The following RIMS2 variants were observed in gnomAD, a reference collection of about 807,000 sequenced individuals.
RIMS2 encodes regulating synaptic membrane exocytosis 2, also known as regulating synaptic membrane exocytosis protein 2.
RIMS2 carries 59 observed loss-of-function variants against 174.4 expected under a neutral mutation model. The ratio of observed to expected loss-of-function variants is 0.34; its 90% CI spans 0.27 to 0.42. The LOEUF (loss-of-function observed/expected upper bound fraction) is 0.42, where lower values mean the gene tolerates loss of function less well. RIMS2 is among the 10% of genes least tolerant of loss of function. The probability of loss-of-function intolerance (pLI) is 1.00; values close to 1 mark genes in which losing one functional copy is unlikely to be tolerated. For missense variants in RIMS2, 1,620 were observed against 1,666.3 expected (o/e 0.97, Z 0.48); for synonymous variants, 606 against 572.5 (o/e 1.06, Z -0.84).
At chr8:103,766,440 G>A in exon 3 of RIMS2, 1 of 1,613,856 alleles carries the variant, frequency 6.2e-7, no homozygotes, top group East Asian at 2.2e-5. Context: ...TGTACCTGCA[G>A]TGGAGAAAAG....
At chr8:104,104,347 T>C (rs1052210910) in intron 19 of RIMS2, among the ~76,000 whole-genome samples, 5 of 152,196 alleles carry the variant, frequency 3.3e-5, no homozygotes, top group African/African-American at 1.2e-4. Context: ...TCTTTCTCAC[T>C]AGCACTGAGA....
intron 17 of RIMS2, among the ~76,000 whole-genome samples, chr8:104,011,962 C>T (rs938543755): frequency 2.8e-4 from 42 of 151,862 alleles, no homozygotes; most frequent in African/African-American, 9.9e-4. Context: ...AAAAGTGTTC[C>T]TTTAAAATAG....
chr8:103,964,403 C>G (rs2091189233), intron 15 of RIMS2, among the ~76,000 whole-genome samples: 2 of 152,128 alleles, frequency 1.3e-5, no homozygotes, highest in Admixed American at 6.6e-5. Context: ...TTGCATTTCC[C>G]TGATGACATA....
rs138020866 is a variant in RIMS2 at position 104,104,176 on chromosome 8, A to G, written c.3334+89561A>G. On this transcript the variant is annotated intron_variant, in intron 19 of 23. Transcript: ENST00000504942. Reference sequence around the variant, plus strand: ...TCTCAATCACATAAGAAGTAAGAATATAAGAGTTTAAAAGTTGAGTTGGGG... The same window carrying G: ...TCTCAATCACATAAGAAGTAAGAATGTAAGAGTTTAAAAGTTGAGTTGGGG... Among the ~76,000 whole-genome samples the G allele has an allele frequency of 4.9e-4, 75 of 152,336 alleles. 1 individual carries two copies. Among genetic ancestry groups the G allele is most frequent in the African/African-American group, 1.7e-3 (71 of 41,568 alleles).
At chr8:104,152,042 A>G (rs560245643) in intron 19 of RIMS2, among the ~76,000 whole-genome samples, 3 of 152,314 alleles carry the variant, frequency 2.0e-5, no homozygotes, top group African/African-American at 7.2e-5. Flanking sequence ...ACTGTCCCAT[A>G]TATCTTTCTT....
At chr8:103,552,891 A>G (rs1392352405) in intron 1 of RIMS2, among the ~76,000 whole-genome samples, 2 of 152,188 alleles carry the variant, frequency 1.3e-5, no homozygotes, top group Admixed American at 1.3e-4. Context: ...CAAAACCACA[A>G]TGAGATACCA....
intron 19 of RIMS2, among the ~76,000 whole-genome samples, chr8:104,104,705 A>G (rs1337340220): frequency 6.6e-6 from 1 of 152,096 alleles, no homozygotes; most frequent in Non-Finnish European, 1.5e-5. Context: ...CAGGAATTTG[A>G]GACCAGCCTC....
chr8:103,695,114 G>A (rs530811605), intron 1 of RIMS2, among the ~76,000 whole-genome samples: 5 of 152,176 alleles, frequency 3.3e-5, no homozygotes, highest in Non-Finnish European at 7.3e-5. Flanking sequence ...TGTTTATGCT[G>A]TGTTGTCTGT....
chr8:103,966,792 A>G (rs2091934151), intron 15 of RIMS2, among the ~76,000 whole-genome samples: 1 of 152,120 alleles, frequency 6.6e-6, no homozygotes, highest in African/African-American at 2.4e-5. Flanking sequence ...CTTTCACTGC[A>G]TCCCACAAAT....
At chr8:104,078,902 T>A (rs940268049) in intron 19 of RIMS2, among the ~76,000 whole-genome samples, 27 of 152,208 alleles carry the variant, frequency 1.8e-4, no homozygotes, top group Non-Finnish European at 1.5e-5. Flanking sequence ...TTAGCTGTCT[T>A]AGCCATGAAA....
At chr8:103,660,588 TAAAAACAAAAAC>T (rs71575980) in intron 1 of RIMS2, among the ~76,000 whole-genome samples, 37 of 151,656 alleles carry the variant, frequency 2.4e-4, no homozygotes, top group East Asian at 1.7e-3. Context: ...GCTTCGTGGA[TAAAAACAAAAAC>T]AAAAACAAAA....
intron 1 of RIMS2, among the ~76,000 whole-genome samples, chr8:103,509,067 A>G (rs1406598516): frequency 6.6e-6 from 1 of 152,002 alleles, no homozygotes; most frequent in African/African-American, 2.4e-5. Flanking sequence ...TATTCTAGAG[A>G]GTTTGTAGCA....
chr8:103,841,455 G>T (rs1035531798), intron 3 of RIMS2, among the ~76,000 whole-genome samples: 1 of 151,530 alleles, frequency 6.6e-6, no homozygotes, highest in East Asian at 1.9e-4. Flanking sequence ...GTAAATGACC[G>T]TTATCAGCAA....
intron 1 of RIMS2, among the ~76,000 whole-genome samples, chr8:103,565,606 T>C (rs1295727237): frequency 2.0e-5 from 3 of 152,224 alleles, no homozygotes; most frequent in African/African-American, 7.2e-5. Context: ...AGCAAGTGTT[T>C]TGACTCTGTG....
At chr8:103,949,846 G>A (rs1048947576) in intron 14 of RIMS2, among the ~76,000 whole-genome samples, 114 of 152,138 alleles carry the variant, frequency 7.5e-4, no homozygotes, top group African/African-American at 2.5e-3. Context: ...CGAACCAAAG[G>A]TTGGATCTAT....
At chr8:103,978,459 ACT>A (rs2093632579) in intron 16 of RIMS2, among the ~76,000 whole-genome samples, 1 of 137,434 alleles carries the variant, frequency 7.3e-6, no homozygotes, top group Admixed American at 7.0e-5. Flanking sequence ...ATATGTAACC[ACT>A]ACTACCACTT....
chr8:104,234,451 G>T (rs949032932), intron 19 of RIMS2, among the ~76,000 whole-genome samples: 3 of 151,752 alleles, frequency 2.0e-5, no homozygotes, highest in African/African-American at 4.8e-5. Context: ...TGAGGTAGTG[G>T]ATATGCAACT....
At chr8:103,534,528 CAATT>C (rs1398565111) in intron 1 of RIMS2, among the ~76,000 whole-genome samples, 1 of 152,156 alleles carries the variant, frequency 6.6e-6, no homozygotes, top group African/African-American at 2.4e-5. Context: ...TGAATATCAT[CAATT>C]AAAAACATTC....
At chr8:104,056,447 T>C (rs571041248) in intron 19 of RIMS2, among the ~76,000 whole-genome samples, 1 of 151,458 alleles carries the variant, frequency 6.6e-6, no homozygotes, top group South Asian at 2.1e-4. Context: ...TTATAAAGAG[T>C]ATCTGGTACA....
Sources: allele counts gnomAD v4.1 joint callset (sites outside exome capture counted in the v4.1 genomes callset), GRCh38; gene constraint gnomAD v4.1.1; transcripts MANE v1.5; gene names NCBI Gene and HGNC (gene_info 2026-07-23, HGNC 2026-07-21).